Variants in NXPH2 observed in about 807,000 individuals in gnomAD.
NXPH2 encodes the protein neurexophilin 2.
In NXPH2, 5 loss-of-function variants were observed where a neutral mutation model predicts 19.8. That is an observed-to-expected ratio of 0.25 (90% confidence interval 0.13 to 0.53). The LOEUF is 0.53. NXPH2 is among the 20% of genes least tolerant of loss of function. The probability of loss-of-function intolerance (pLI) is 0.96; values close to 1 mark genes in which losing one functional copy is unlikely to be tolerated. For missense variants in NXPH2, 289 were observed against 322.8 expected (o/e 0.90, Z 0.80); for synonymous variants, 154 against 127.4 (o/e 1.21, Z -1.41).
intron 1 of NXPH2, among the ~76,000 whole-genome samples, chr2:138,745,503 G>A (rs974501831): frequency 2.7e-5 from 4 of 146,024 alleles, no homozygotes; most frequent in Non-Finnish European, 4.5e-5. Flanking sequence ...CGGGGGGGGG[G>A]GGGTGTTGTT....
intron 1 of NXPH2, among the ~76,000 whole-genome samples, chr2:138,693,233 TC>T (rs1234067179): frequency 6.6e-6 from 1 of 152,152 alleles, no homozygotes; most frequent in Non-Finnish European, 1.5e-5. Flanking sequence ...TAACTGCTGA[TC>T]CCCCATTTCC....
chr2:138,728,614 A>T (rs1009926808), intron 1 of NXPH2, among the ~76,000 whole-genome samples: 5 of 152,180 alleles, frequency 3.3e-5, no homozygotes, highest in Non-Finnish European at 7.3e-5. Flanking sequence ...TTTACCTGAA[A>T]CACATTCTTC....
At chr2:138,740,765 T>C (rs374580656) in intron 1 of NXPH2, among the ~76,000 whole-genome samples, 17 of 152,066 alleles carry the variant, frequency 1.1e-4, no homozygotes, top group Admixed American at 7.9e-4. Context: ...CTGCTTGCTT[T>C]ATAGATCACA....
chr2:138,694,181 T>A (rs1160761903), intron 1 of NXPH2, among the ~76,000 whole-genome samples: 2 of 152,198 alleles, frequency 1.3e-5, no homozygotes, highest in Non-Finnish European at 2.9e-5. Context: ...TATTTTCCTC[T>A]AATGCTTCCT....
chr2:138,708,914 T>C (rs1293111659), intron 1 of NXPH2, among the ~76,000 whole-genome samples: 1 of 152,242 alleles, frequency 6.6e-6, no homozygotes, highest in Admixed American at 6.5e-5. Context: ...ACTTAAGCTG[T>C]GTCCATGCAC....
At chr2:138,684,848 C>A (rs1680625472) in intron 1 of NXPH2, among the ~76,000 whole-genome samples, 1 of 152,302 alleles carries the variant, frequency 6.6e-6, no homozygotes, top group African/African-American at 2.4e-5. Context: ...CCTTCTCTGT[C>A]CCTATCAGTC....
At chr2:138,687,037 G>C (rs2104973152) in intron 1 of NXPH2, among the ~76,000 whole-genome samples, 1 of 152,308 alleles carries the variant, frequency 6.6e-6, no homozygotes, top group South Asian at 2.1e-4. Flanking sequence ...CTTTATAGCA[G>C]CATGATTTAT....
intron 1 of NXPH2, among the ~76,000 whole-genome samples, chr2:138,701,290 A>T (rs1475385178): frequency 6.6e-6 from 1 of 152,192 alleles, no homozygotes; most frequent in African/African-American, 2.4e-5. Context: ...GGGAATGCCC[A>T]TTGGTTGGCA....
At chr2:138,758,310 T>A (rs1423940846) in intron 1 of NXPH2, among the ~76,000 whole-genome samples, 1 of 152,176 alleles carries the variant, frequency 6.6e-6, no homozygotes, top group Non-Finnish European at 1.5e-5. Flanking sequence ...TCTGCCTGAA[T>A]TCTGCTCTGG....
At chr2:138,710,404 C>A (rs2104987384) in intron 1 of NXPH2, among the ~76,000 whole-genome samples, 1 of 152,174 alleles carries the variant, frequency 6.6e-6, no homozygotes, top group Non-Finnish European at 1.5e-5. Context: ...TCCCTGTTTT[C>A]AATTATTTTG....
intron 1 of NXPH2, among the ~76,000 whole-genome samples, chr2:138,686,281 A>G (rs1467775803): frequency 6.6e-6 from 1 of 151,964 alleles, no homozygotes; most frequent in African/African-American, 2.4e-5. Context: ...CCCACCAGCA[A>G]CCTCTTCCCG....
At chr2:138,678,060 A>G (rs1680513907) in intron 1 of NXPH2, among the ~76,000 whole-genome samples, 1 of 152,232 alleles carries the variant, frequency 6.6e-6, no homozygotes, top group Non-Finnish European at 1.5e-5. Context: ...GCAGGATCCC[A>G]CATTAAATTT....
At chr2:138,767,289 G>T (rs1006163704) in intron 1 of NXPH2, among the ~76,000 whole-genome samples, 2 of 152,222 alleles carry the variant, frequency 1.3e-5, no homozygotes, top group African/African-American at 4.8e-5. Flanking sequence ...GGAACCCCAT[G>T]CTTTCCCAGG....
intron 1 of NXPH2, among the ~76,000 whole-genome samples, chr2:138,689,929 C>G (rs1680723221): frequency 6.6e-6 from 1 of 152,154 alleles, no homozygotes; most frequent in Non-Finnish European, 1.5e-5. Flanking sequence ...ACAAATGGGC[C>G]TGTACATGCA....
chr2:138,687,539 A>G (rs537967822), intron 1 of NXPH2, among the ~76,000 whole-genome samples: 54 of 152,252 alleles, frequency 3.5e-4, no homozygotes, highest in Non-Finnish European at 6.2e-4. Flanking sequence ...TGCTGTGCAG[A>G]AGCTGTTTAG....
intron 1 of NXPH2, among the ~76,000 whole-genome samples, chr2:138,763,703 A>T (rs1682050744): frequency 1.3e-5 from 2 of 152,298 alleles, no homozygotes; most frequent in Middle Eastern, 3.4e-3. Flanking sequence ...GATCTTTATG[A>T]CCATACTGTA....
intron 1 of NXPH2, among the ~76,000 whole-genome samples, chr2:138,691,718 A>G (rs1295991757): frequency 6.6e-6 from 1 of 152,156 alleles, no homozygotes; most frequent in Non-Finnish European, 1.5e-5. Flanking sequence ...AAATACATGG[A>G]GATGGAAAGG....
chr2:138,749,260 C>T (rs980918015), intron 1 of NXPH2, among the ~76,000 whole-genome samples: 9 of 152,092 alleles, frequency 5.9e-5, no homozygotes, highest in African/African-American at 2.2e-4. Context: ...CTTCCCCTTC[C>T]AACATAATTG....
At chr2:138,778,051 T>C (rs1461446021) in intron 1 of NXPH2, among the ~76,000 whole-genome samples, 2 of 152,180 alleles carry the variant, frequency 1.3e-5, no homozygotes, top group African/African-American at 4.8e-5. Context: ...TTTTGACACC[T>C]ACTGGAGTAG....
Sources: allele counts gnomAD v4.1 joint callset (sites outside exome capture counted in the v4.1 genomes callset), GRCh38; gene constraint gnomAD v4.1.1; transcripts MANE v1.5; gene names NCBI Gene and HGNC (gene_info 2026-07-23, HGNC 2026-07-21).